The following C5orf22 variants were observed in gnomAD, a reference collection of about 807,000 sequenced individuals.
The protein encoded by C5orf22 is UPF0489 protein C5orf22.
Under a neutral mutation model 48.7 loss-of-function variants are expected in C5orf22, and 36 were observed. The ratio of observed to expected loss-of-function variants is 0.74; its 90% confidence interval spans 0.57 to 0.98. The LOEUF is 0.98. Among genes scored for constraint, C5orf22 ranks in the 50% least tolerant of loss-of-function variants. The probability of loss-of-function intolerance (pLI) is 0.00; values close to 1 mark genes in which losing one functional copy is unlikely to be tolerated. For missense variants in C5orf22, 486 were observed against 521.9 expected, an observed-to-expected ratio of 0.93 and a Z score of 0.67; for synonymous variants, 141 against 180.8, an observed-to-expected ratio of 0.78 and a Z score of 1.76.
At chr5:31,536,292 G>C (rs962100884) in intron 3 of C5orf22, among the ~76,000 whole-genome samples, 3 of 152,132 alleles carry the variant, frequency 2.0e-5, no homozygotes, top group Non-Finnish European at 4.4e-5. Flanking sequence ...AGGCCGAGGT[G>C]GGCAGAAGAC....
At chr5:31,545,063 A>ATT (rs533850892) in intron 6 of C5orf22, among the ~76,000 whole-genome samples, 5 of 141,990 alleles carry the variant, frequency 3.5e-5, no homozygotes, top group African/African-American at 1.0e-4. Context: ...AATCAAAATA[A>ATT]TTTTTTTTTT....
chr5:31,538,003 AACC>A (rs1742202600), intron 3 of C5orf22, among the ~76,000 whole-genome samples: 1 of 152,180 alleles, frequency 6.6e-6, no homozygotes, highest in South Asian at 2.1e-4. Flanking sequence ...TTCCATTCAC[AACC>A]ACCGGCCTTA....
chr5:31,543,061 G>A lies in C5orf22; in HGVS notation c.992+1659G>A, dbSNP rs184606361. 3.7e-4 allele frequency among the ~76,000 whole-genome samples: 56 copies of A among 152,344 alleles called. 1 individual carries two copies. The highest frequency in any genetic ancestry group is 3.3e-3 in the Admixed American group (51 of 15,300). ...GGGGAGAGGAATTCTATGGCTAAAT[G>A]ATGAAGTATATGAGTGAGAAATTAC... On this transcript the variant is annotated intron_variant, in intron 6 of 8. Coordinates refer to ENST00000325366, the MANE Select transcript of C5orf22 (RefSeq NM_018356.3).
Position 31,545,837 on chromosome 5 carries a change from T to G in C5orf22, c.1059+125T>G, listed in dbSNP as rs12656019. On this transcript the variant is annotated intron_variant, in intron 7 of 8. Transcript: ENST00000325366. ...GTTCCTGTGAAGTCTGAAACAATTA[T>G]TAAGAAAAGAAATGAGTGAAAAAAA... 1.0e-5 allele frequency: 6 copies of G among 600,406 alleles called. No homozygotes were observed. The African/African-American group carries it at 1.2e-4, about 12-fold the overall frequency. The allele number at this position is 600,406 out of a possible 1,614,324, so 37.2% of individuals were successfully genotyped here. A position where few individuals can be genotyped will look rare whatever the true frequency, so the allele number is the denominator to read the frequency against.
At chr5:31,543,299 G>A (rs1742584425) in intron 6 of C5orf22, among the ~76,000 whole-genome samples, 1 of 152,200 alleles carries the variant, frequency 6.6e-6, no homozygotes, top group African/African-American at 2.4e-5. Flanking sequence ...CGGGCGTGGT[G>A]GCTCACCTCT....
chr5:31,548,615 T>C (rs1377260472), intron 7 of C5orf22: 1 of 449,604 alleles, frequency 2.2e-6, no homozygotes, highest in Admixed American at 2.4e-5. Flanking sequence ...TGTCCAACAT[T>C]TCCCTGCCTT....
At chr5:31,535,329 C>T (rs1428266912) in intron 2 of C5orf22, among the ~76,000 whole-genome samples, 2 of 152,182 alleles carry the variant, frequency 1.3e-5, no homozygotes, top group African/African-American at 4.8e-5. Context: ...GTGCATTTCT[C>T]ATTTTGCCAC....
In C5orf22 at chr5:31,532,430, G is replaced by A; in HGVS notation, c.38G>A (p.Arg13His). The A allele has an allele frequency of 6.2e-7, 1 of 1,613,984 alleles. No homozygotes were observed. Among genetic ancestry groups the A allele is most frequent in the Non-Finnish European group, 8.5e-7 (1 of 1,179,952 alleles). The stretch of plus-strand genomic sequence containing the variant: ...GCGGGAGGGCGCGCTGGTCTCCGGC[G>A]TTACCCCAAGCTCCCAGTGTGGGTG... ...DSAGGRAGLRRYPKLPVWVVE... is the reference protein window; with the variant it reads ...DSAGGRAGLRHYPKLPVWVVE... Residue 13 changes from arginine to histidine, a missense_variant, in exon 1 of 9, where the codon CGT (arginine) becomes CAT (histidine). This residue lies in a region of C5orf22 where 74 missense variants were observed against 61.2 expected (regional missense o/e 1.21). Coordinates refer to ENST00000325366, the MANE Select transcript of C5orf22 (RefSeq NM_018356.3).
chr5:31,537,770 C>A (rs1316869453), intron 3 of C5orf22, among the ~76,000 whole-genome samples: 5 of 152,204 alleles, frequency 3.3e-5, no homozygotes, highest in African/African-American at 4.8e-5. Flanking sequence ...AACAAAGGAA[C>A]ACTGGCTTAA....
Position 31,535,740 on chromosome 5 carries a change from C to A in C5orf22, c.228-4C>A. The A allele has an allele frequency of 5.7e-6, 9 of 1,576,942 alleles. No individual in the cohort carries two copies. Among genetic ancestry groups the A allele is most frequent in the Non-Finnish European group, 7.7e-6 (9 of 1,166,384 alleles). On this transcript the variant is annotated splice_polypyrimidine_tract_variant and splice_region_variant and intron_variant, in intron 2 of 8. Coordinates refer to ENST00000325366, the MANE Select transcript of C5orf22 (RefSeq NM_018356.3). ...TTAATGTTGTCTCTATGTTTCTTTT[C>A]CAGAGAATTAAGTATTGAAAATTGG...
chr5:31,538,357 G>T lies in C5orf22; in HGVS notation c.475G>T (p.Val159Leu). 6.2e-7 allele frequency: 1 copy of T among 1,614,118 alleles called. No individual in the cohort carries two copies. The highest frequency in any genetic ancestry group is 1.6e-4 in the Middle Eastern group (1 of 6,062). Reference sequence around the variant, plus strand: ...ACCTTTACAATTGGATGTAATTATGGTAAAACCTTATAAACTCTGTAACAA... The same window carrying T: ...ACCTTTACAATTGGATGTAATTATGTTAAAACCTTATAAACTCTGTAACAA... The part of the protein sequence containing the change: ...QKPLQLDVIM[V>L]KPYKLCNNQE... Residue 159 changes from valine to leucine, a missense_variant, in exon 4 of 9, where the codon GTA (valine) becomes TTA (leucine). Physicochemically the swap from Val to Leu is conservative, Grantham distance 32 (BLOSUM62 1). Transcript: ENST00000325366.
chr5:31,552,751 T>C (rs745645253), intron 8 of C5orf22, 22 bp from the exon 9 acceptor site: 2 of 1,607,796 alleles, frequency 1.2e-6, no homozygotes, highest in African/African-American at 1.3e-5. Context: ...ATTTTTCTTC[T>C]TTCTCTTTCT....
Position 31,536,259 on chromosome 5 carries a change from G to A in C5orf22, c.377+366G>A, listed in dbSNP as rs1254558783. Among the ~76,000 whole-genome samples the A allele has an allele frequency of 7.2e-5, 11 of 152,150 alleles. No individual in the cohort carries two copies. In the East Asian group the frequency reaches 2.1e-3, roughly 29 times the overall value. ...TGCTGAATTTGCCGCAGTGGCTCAC[G>A]CCTGTAATCCCAGCACTTTGGGAGG... On this transcript the variant is annotated intron_variant, in intron 3 of 8. Transcript: ENST00000325366.
chr5:31,534,368 C>T lies in C5orf22; in HGVS notation c.178C>T (p.Pro60Ser), dbSNP rs767704970. ...CGACTCACATCCAGACCTCCTTATT[C>T]CTGTGAATATGCCAGCAGACACCGT... ...HFDSHPDLLI[P>S]VNMPADTVFD... The change falls in exon 2 of 9, where the codon CCT becomes TCT. Residue 60 changes from proline to serine, a missense_variant. Pro to Ser is a moderately conservative substitution (Grantham distance 74). Around this residue, in one of 3 missense-constraint regions of C5orf22, gnomAD observed 408 missense variants for 444.0 expected, o/e 0.92. Transcript: ENST00000325366. 1.2e-6 allele frequency: 2 copies of T among 1,613,782 alleles called. No homozygotes were observed. The highest frequency in any genetic ancestry group is 1.6e-4 in the Middle Eastern group (1 of 6,062).
rs754731959 is a variant in C5orf22 at position 31,538,578 on chromosome 5, T to C, written c.696T>C (p.Ala232=). The C allele has an allele frequency of 6.2e-7, 1 of 1,613,994 alleles. No individual in the cohort carries two copies. Among genetic ancestry groups the C allele is most frequent in the African/African-American group, 1.3e-5 (1 of 74,926 alleles). The change falls in exon 4 of 9, where the codon GCT becomes GCC. Residue 232 remains alanine (A), a synonymous_variant. Transcript: ENST00000325366. ...CTGAAAATCAGGAATGCCAGACTGC[T>C]GCCAGCACTGGGGAAATTCTGGAAA... is the stretch of plus-strand genomic sequence containing the variant. ...CSSENQECQT[A]ASTGEILEIL... is the part of the protein sequence containing the mutation.
intron 1 of C5orf22, among the ~76,000 whole-genome samples, chr5:31,534,004 C>T (rs574938173): frequency 6.6e-6 from 1 of 152,266 alleles, no homozygotes; most frequent in East Asian, 1.9e-4. Context: ...AGCCCCAGTC[C>T]TGGTCTGTTT....
chr5:31,534,384 C>T lies in C5orf22; in HGVS notation c.194C>T (p.Ala65Val), dbSNP rs1469376133. 6.2e-6 allele frequency: 10 copies of T among 1,612,454 alleles called. 1 individual carries two copies. The South Asian group carries it at 1.1e-4, about 18-fold the overall frequency. Residue 65 changes from alanine (A) to valine (V), a missense_variant, in exon 2 of 9, where the codon GCA (alanine) becomes GTA (valine). By Grantham distance (64) the Ala-to-Val change is moderately conservative. Coordinates refer to ENST00000325366, the MANE Select transcript of C5orf22 (RefSeq NM_018356.3). ...PDLLIPVNMPADTVFDKETLF... is the reference protein window; with the variant it reads ...PDLLIPVNMPVDTVFDKETLF... ...CTCCTTATTCCTGTGAATATGCCAG[C>T]AGACACCGTGTTTGATAAGGAAACA... is the stretch of plus-strand genomic sequence containing the variant.
chr5:31,532,956 T>A (rs1741696018), intron 1 of C5orf22, among the ~76,000 whole-genome samples: 1 of 147,508 alleles, frequency 6.8e-6, no homozygotes, highest in South Asian at 2.1e-4. Context: ...TTTAAAAATC[T>A]TTTTTTTTTC....
At chr5:31,539,391 G>A (rs1170379254) in intron 4 of C5orf22, among the ~76,000 whole-genome samples, 1 of 152,162 alleles carries the variant, frequency 6.6e-6, no homozygotes, top group Non-Finnish European at 1.5e-5. Context: ...CATTCCCTCA[G>A]TTCTTTGCTT....
Sources: allele counts gnomAD v4.1 joint callset (sites outside exome capture counted in the v4.1 genomes callset), GRCh38; gene constraint gnomAD v4.1.1; regional missense constraint gnomAD v4.1.1; transcripts MANE v1.5; gene names NCBI Gene and HGNC (gene_info 2026-07-23, HGNC 2026-07-21).